Variants in PICK1 observed in about 807,000 individuals in gnomAD.
The protein encoded by PICK1 is PRKCA-binding protein.
Under a neutral mutation model 48.9 loss-of-function variants are expected in PICK1, and 23 were observed. The observed-to-expected ratio is 0.47, with a 90% CI of 0.34 to 0.67. The LOEUF is 0.67. Ranked by LOEUF, PICK1 falls within the 30% of genes least tolerant of loss-of-function variation. PICK1 has a pLI of 0.01. For synonymous variants in PICK1, 217 were observed against 228.2 expected, an observed-to-expected ratio of 0.95 and a Z score of 0.44; for missense variants, 423 against 557.1, an observed-to-expected ratio of 0.76 and a Z score of 2.42.
At chr22:38,070,044 C>T (rs916665367) in intron 6 of PICK1, among the ~76,000 whole-genome samples, 5 of 152,238 alleles carry the variant, frequency 3.3e-5, no homozygotes, top group East Asian at 1.9e-4. Context: ...TGGAGGCCAC[C>T]GGGTGGCCAA....
intron 2 of PICK1, among the ~76,000 whole-genome samples, chr22:38,058,317 G>A (rs1427323929): frequency 6.6e-6 from 1 of 152,312 alleles, no homozygotes; most frequent in Non-Finnish European, 1.5e-5. Context: ...GGGACTTGAC[G>A]TCAGTAGGTT....
chr22:38,073,007 C>A lies in PICK1; in HGVS notation c.698C>A (p.Thr233Lys). The change falls in exon 10 of 13, where the codon ACG becomes AAG. Residue 233 changes from threonine to lysine, a missense_variant. Thr to Lys is a moderately conservative substitution (Grantham distance 78). This residue lies in a region of PICK1 where 279 missense variants were observed against 417.8 expected (regional missense o/e 0.67). Transcript: ENST00000356976. The surrounding 1 kb of genome is among the most constrained non-coding windows in gnomAD (Gnocchi z 5.7). ...RLLKTIKPMLTDLNTYLNKAI... is the reference protein window; with the variant it reads ...RLLKTIKPMLKDLNTYLNKAI... ...CCACCCACCCTCTTCCAGATGCTGA[C>A]GGATCTGAACACGTACCTCAACAAA... The A allele has an allele frequency of 6.2e-7, 1 of 1,610,908 alleles. No homozygotes were observed. Among genetic ancestry groups the A allele is most frequent in the Non-Finnish European group, 8.5e-7 (1 of 1,177,126 alleles).
chr22:38,068,350 C>T lies in PICK1; in HGVS notation c.349+580C>T, dbSNP rs535895631. Among the ~76,000 whole-genome samples the T allele has an allele frequency of 1.6e-4, 25 of 152,284 alleles. No individual in the cohort carries two copies. In the South Asian group the frequency reaches 2.9e-3, roughly 18 times the overall value. On this transcript the variant is annotated intron_variant, in intron 5 of 12. Coordinates refer to ENST00000356976, the MANE Select transcript of PICK1 (RefSeq NM_012407.4). ...GACAGCAGCTTCGAGTCCTCTGGAC[C>T]GGCCGCTTCACATTATGGATCAAAG...
rs2085782024 is a variant in PICK1, at chr22:38,074,427, A to G, written c.955A>G (p.Met319Val). 6.2e-7 allele frequency: 1 copy of G among 1,613,028 alleles called. No homozygotes were observed. The highest frequency in any genetic ancestry group is 1.3e-5 in the African/African-American group (1 of 74,908). The change falls in exon 12 of 13, where the codon ATG (methionine) becomes GTG (valine). Residue 319 changes from methionine to valine, a missense_variant. Coordinates refer to ENST00000356976, the MANE Select transcript of PICK1 (RefSeq NM_012407.4). This position sits in a 1 kb window ranked among gnomAD's most constrained non-coding sequence, Gnocchi z 4.5. ...SQMRKDVLEK[M>V]ELLDQKHVQD... ...GATGCGCAAGGATGTGCTGGAGAAG[A>G]TGGAGCTGCTGGACCAGAAGCACGG...
chr22:38,062,316 T>C (rs1333429217), intron 3 of PICK1, among the ~76,000 whole-genome samples: 2 of 151,352 alleles, frequency 1.3e-5, no homozygotes, highest in East Asian at 3.9e-4. Flanking sequence ...GGCGTGATCT[T>C]GGCTCACTGC....
intron 3 of PICK1, among the ~76,000 whole-genome samples, chr22:38,064,321 G>A (rs1420841298): frequency 1.3e-5 from 2 of 152,116 alleles, no homozygotes; most frequent in Non-Finnish European, 2.9e-5. Context: ...GCCTCCCAGA[G>A]TGTTGGAATT....
Position 38,073,871 on chromosome 22 carries a change from TG to T in PICK1, c.834+49del. The T allele has an allele frequency of 6.3e-7, 1 of 1,581,504 alleles. No homozygotes were observed. The highest frequency in any genetic ancestry group is 2.2e-5 in the East Asian group (1 of 44,750). The stretch of plus-strand genomic sequence containing the variant: ...GGCTTGTACTTCCCCCCACCTGGTC[TG>T]CCAGGGATAGCAGGTGGCTCAGGCC... On this transcript the variant is annotated intron_variant, in intron 11 of 12. Coordinates refer to ENST00000356976, the MANE Select transcript of PICK1 (RefSeq NM_012407.4). The surrounding 1 kb of genome is among the most constrained non-coding windows in gnomAD (Gnocchi z 5.7).
chr22:38,071,099 C>T (rs993570314), intron 7 of PICK1, among the ~76,000 whole-genome samples: 5 of 152,200 alleles, frequency 3.3e-5, no homozygotes, highest in Non-Finnish European at 4.4e-5. Context: ...GTAATCCCAG[C>T]ACTTTGGGAG....
In PICK1 at chr22:38,074,546, T is replaced by A; in HGVS notation, c.979+95T>A. The A allele has an allele frequency of 4.6e-6, 7 of 1,507,300 alleles. No individual in the cohort carries two copies. Among genetic ancestry groups the A allele is most frequent in the Non-Finnish European group, 6.3e-6 (7 of 1,102,656 alleles). The allele number at this position is 1,507,300 out of a possible 1,614,324, so 93.4% of individuals were successfully genotyped here. On this transcript the variant is annotated intron_variant, in intron 12 of 12. Coordinates refer to ENST00000356976, the MANE Select transcript of PICK1 (RefSeq NM_012407.4). The surrounding 1 kb of genome is among the most constrained non-coding windows in gnomAD (Gnocchi z 4.5). ...TCTCAGGGCCAGGCCACGGCCCAGATGTAAAGCCCCTCCAGGAGCCCAGCC... is the reference window on the plus strand; with the variant it reads ...TCTCAGGGCCAGGCCACGGCCCAGAAGTAAAGCCCCTCCAGGAGCCCAGCC...
intron 5 of PICK1, among the ~76,000 whole-genome samples, chr22:38,068,758 A>C (rs1158335505): frequency 6.6e-6 from 1 of 152,202 alleles, no homozygotes; most frequent in Admixed American, 6.5e-5. Flanking sequence ...GAGCCCGGGC[A>C]GCACTGGGCT....
chr22:38,071,648 G>T (rs201606911), intron 7 of PICK1, 34 bp from the exon 8 acceptor site: 1 of 1,600,896 alleles, frequency 6.2e-7, no homozygotes, highest in Non-Finnish European at 8.6e-7. Flanking sequence ...CCCGCCATGC[G>T]TCCCCATTCC....
chr22:38,074,470 CCCGT>C lies in PICK1; in HGVS notation c.979+23_979+26del, dbSNP rs2085783843. 1.9e-6 allele frequency: 3 copies of C among 1,612,642 alleles called. No homozygotes were observed. The highest frequency in any genetic ancestry group is 2.2e-5 in the South Asian group (2 of 91,050). On this transcript the variant is annotated intron_variant, in intron 12 of 12. Coordinates refer to ENST00000356976, the MANE Select transcript of PICK1 (RefSeq NM_012407.4). The surrounding 1 kb of genome is among the most constrained non-coding windows in gnomAD (Gnocchi z 4.5). ...AAGCACGGTGAGCGCCGCCCTCCTC[CCCGT>C]CCGCTCTCCATTTCAGAGGTGGGAA...
rs890799398 is a variant in PICK1 at position 38,066,112 on chromosome 22, C to T, written c.282+982C>T. Among the ~76,000 whole-genome samples the T allele has an allele frequency of 6.6e-6, 1 of 152,190 alleles. No homozygotes were observed. Among genetic ancestry groups the T allele is most frequent in the Non-Finnish European group, 1.5e-5 (1 of 68,032 alleles). The stretch of plus-strand genomic sequence containing the variant: ...TCCTGCACATTCTCCTATTCCAGCC[C>T]CTTTAGCCATAGGACAAATCAGGGC... On this transcript the variant is annotated intron_variant, in intron 4 of 12. Coordinates refer to ENST00000356976, the MANE Select transcript of PICK1 (RefSeq NM_012407.4). The surrounding 1 kb of genome is among the most constrained non-coding windows in gnomAD (Gnocchi z 4.1).
chr22:38,070,156 C>T (rs1040148728), intron 6 of PICK1, among the ~76,000 whole-genome samples: 2 of 152,238 alleles, frequency 1.3e-5, no homozygotes, highest in South Asian at 2.1e-4. Flanking sequence ...CCGCTCCTCC[C>T]CTCTTCTGCT....
intron 6 of PICK1, among the ~76,000 whole-genome samples, chr22:38,069,485 C>G (rs535968217): frequency 6.6e-6 from 1 of 152,244 alleles, no homozygotes; most frequent in African/African-American, 2.4e-5. Context: ...CTTGCCTCTG[C>G]AGGTCCTCCC....
chr22:38,064,701 C>T (rs535388306), intron 3 of PICK1, among the ~76,000 whole-genome samples: 6 of 152,254 alleles, frequency 3.9e-5, no homozygotes, highest in Non-Finnish European at 7.4e-5. Context: ...GCGGAGGTTG[C>T]GGTGAGCGAG....
chr22:38,074,791 G>A lies in PICK1; in HGVS notation c.980-73G>A. On this transcript the variant is annotated intron_variant, in intron 12 of 12. Transcript: ENST00000356976. This position sits in a 1 kb window ranked among gnomAD's most constrained non-coding sequence, Gnocchi z 4.5. ...GGGGAGGCGAGAGGTGGGCCGGGTG[G>A]GCTGGGAGAGTCTCCTCCCTGAGGC... 1 of 1,576,846 alleles carries A rather than the reference G, an allele frequency of 6.3e-7. No individual in the cohort carries two copies. The highest frequency in any genetic ancestry group is 8.6e-7 in the Non-Finnish European group (1 of 1,161,682).
chr22:38,070,389 C>T (rs1186027818), intron 6 of PICK1, among the ~76,000 whole-genome samples: 1 of 152,256 alleles, frequency 6.6e-6, no homozygotes, highest in South Asian at 2.1e-4. Flanking sequence ...AAGCCAATGA[C>T]TGATCACCAA....
chr22:38,074,450 C>T lies in PICK1; in HGVS notation c.978C>T (p.His326=). ...AGATGGAGCTGCTGGACCAGAAGCA[C>T]GGTGAGCGCCGCCCTCCTCCCCGTC... ...LEKMELLDQK[H]VQDIVFQLQR... is the part of the protein sequence containing the mutation. Residue 326 remains histidine, a splice_region_variant and synonymous_variant, in exon 12 of 13, where the codon CAC becomes CAT. Transcript: ENST00000356976. The surrounding 1 kb of genome is among the most constrained non-coding windows in gnomAD (Gnocchi z 4.5). The T allele has an allele frequency of 6.2e-7, 1 of 1,613,068 alleles. No individual in the cohort carries two copies. Among genetic ancestry groups the T allele is most frequent in the Non-Finnish European group, 8.5e-7 (1 of 1,179,946 alleles).
Sources: allele counts gnomAD v4.1 joint callset (sites outside exome capture counted in the v4.1 genomes callset), GRCh38; gene constraint gnomAD v4.1.1; regional missense constraint gnomAD v4.1.1; non-coding constraint Gnocchi (gnomAD v3.1); transcripts MANE v1.5; gene names NCBI Gene and HGNC (gene_info 2026-07-23, HGNC 2026-07-21).